DNMT1: variants seen among roughly 807,000 people sequenced by gnomAD.
The protein encoded by DNMT1 is DNA methyltransferase 1, also known as DNA (cytosine-5)-methyltransferase 1.
In DNMT1, 24 loss-of-function variants were observed where a neutral mutation model predicts 205.3. The ratio of observed to expected loss-of-function variants is 0.12; its 90% CI spans 0.08 to 0.16. The LOEUF (loss-of-function observed/expected upper bound fraction) is 0.16, where lower values mean the gene tolerates loss of function less well. Ranked by LOEUF, DNMT1 falls within the 10% of genes least tolerant of loss-of-function variation. The probability of loss-of-function intolerance (pLI) is 1.00; values close to 1 mark genes in which losing one functional copy is unlikely to be tolerated. For missense variants in DNMT1, 1,293 were observed against 2,177.7 expected (o/e 0.59, Z 8.09); for synonymous variants, 817 against 839.8 (o/e 0.97, Z 0.47).
chr19:10,148,267 C>G (rs536436713), intron 27 of DNMT1, among the ~76,000 whole-genome samples: 1 of 151,186 alleles, frequency 6.6e-6, no homozygotes, highest in Non-Finnish European at 1.5e-5. Flanking sequence ...GAGGCCAAGG[C>G]GGGCAGATCA....
At position 10,138,932 on chromosome 19, in the gene DNMT1, C is replaced by T. The variant is rs200167023; in HGVS notation, c.3949-327G>A. Reference sequence around the variant, plus strand: ...GAACACTGGAGACCAGGAGCCCTGTCGCTTCCCTGATGGCTGTGGTCACAA... The same window carrying T: ...GAACACTGGAGACCAGGAGCCCTGTTGCTTCCCTGATGGCTGTGGTCACAA... On this transcript the variant is annotated intron_variant, in intron 34 of 40. Coordinates refer to ENST00000359526, the MANE Select transcript of DNMT1 (RefSeq NM_001130823.3). This position sits in a 1 kb window ranked among gnomAD's most constrained non-coding sequence, Gnocchi z 4.1. 3.3e-5 allele frequency among the ~76,000 whole-genome samples: 5 copies of T among 152,304 alleles called. No individual in the cohort carries two copies. Among genetic ancestry groups the T allele is most frequent in the East Asian group, 1.9e-4 (1 of 5,178 alleles).
At position 10,173,165 on chromosome 19, in the gene DNMT1, T is replaced by C. The variant is rs2038859236; in HGVS notation, c.693A>G (p.Arg231=). The change falls in exon 9 of 41, where the codon AGA becomes AGG. Residue 231 remains arginine (R), a synonymous_variant. Coordinates refer to ENST00000359526, the MANE Select transcript of DNMT1 (RefSeq NM_001130823.3). ...TTTCAGGTTCTTCTGCAGGAAGCGG[T>C]CTAGCAACTCTGTCAAGCAAAATAA... ...RRVTSRERVA[R]PLPAEEPERA... is the part of the protein sequence containing the mutation. 6.2e-7 allele frequency: 1 copy of C among 1,614,034 alleles called. No individual in the cohort carries two copies. The highest frequency in any genetic ancestry group is 1.7e-5 in the Admixed American group (1 of 59,984).
intron 26 of DNMT1, 27 bp downstream of exon 26, chr19:10,149,426 G>A (rs759319488): frequency 2.7e-5 from 44 of 1,613,018 alleles, no homozygotes; most frequent in Non-Finnish European, 3.6e-5. Context: ...ATAAGGCAGG[G>A]GCTCACGAGG....
chr19:10,177,266 C>T, intron 6 of DNMT1, 26 bp downstream of exon 6: 1 of 1,612,104 alleles, frequency 6.2e-7, no homozygotes, highest in Non-Finnish European at 8.5e-7. Context: ...CTAAAAAAGG[C>T]AGCCGCCAAT....
chr19:10,142,011 G>C lies in DNMT1; in HGVS notation c.3309+17C>G. The C allele has an allele frequency of 1.9e-6, 3 of 1,611,330 alleles. No individual in the cohort carries two copies. The highest frequency in any genetic ancestry group is 2.5e-6 in the Non-Finnish European group (3 of 1,178,402). ...CTTTGACCCCGAAGCCTTCCCTCTA[G>C]CAAGCAGGGGCACCACCTCGAGGAA... On this transcript the variant is annotated intron_variant, in intron 30 of 40. Coordinates refer to ENST00000359526, the MANE Select transcript of DNMT1 (RefSeq NM_001130823.3).
In DNMT1 at chr19:10,177,282, G is replaced by A. The variant is rs781605215; in HGVS notation, c.569+10C>T. On this transcript the variant is annotated intron_variant, in intron 6 of 40. Transcript: ENST00000359526. ...TAAAAAAGGCAGCCGCCAATTTATCGTATACTGACCCCTTTGCAAAATGAG... is the reference window on the plus strand; with the variant it reads ...TAAAAAAGGCAGCCGCCAATTTATCATATACTGACCCCTTTGCAAAATGAG... 59 of 1,613,356 alleles carry A rather than the reference G, an allele frequency of 3.7e-5. No individual in the cohort carries two copies. Among genetic ancestry groups the A allele is most frequent in the Non-Finnish European group, 4.7e-5 (56 of 1,179,724 alleles).
Position 10,154,528 on chromosome 19 carries a change from G to A in DNMT1, c.1833-49C>T. The A allele has an allele frequency of 3.7e-6, 6 of 1,614,020 alleles. No individual in the cohort carries two copies. The highest frequency in any genetic ancestry group is 1.3e-5 in the African/African-American group (1 of 75,016). The stretch of plus-strand genomic sequence containing the variant: ...CAGAGGACTGGGACAGAGGATGTGG[G>A]CCATGCTCTACCCTCCCCGGTCTCC... On this transcript the variant is annotated intron_variant, in intron 21 of 40. Coordinates refer to ENST00000359526, the MANE Select transcript of DNMT1 (RefSeq NM_001130823.3). This position sits in a 1 kb window ranked among gnomAD's most constrained non-coding sequence, Gnocchi z 6.3.
intron 1 of DNMT1, chr19:10,184,284 T>C (rs1245975215): frequency 2.0e-5 from 3 of 151,604 alleles, no homozygotes; most frequent in Non-Finnish European, 2.9e-5. Flanking sequence ...GAGGATGAAA[T>C]GGGGGAGTCA....
chr19:10,144,307 C>T lies in DNMT1; in HGVS notation c.2895-320G>A, dbSNP rs1380741030. 5 of 361,364 alleles carry T rather than the reference C, an allele frequency of 1.4e-5. No individual in the cohort carries two copies. In the East Asian group the frequency reaches 3.5e-4, roughly 25 times the overall value. 22.4% of individuals were successfully genotyped at this position (361,364 alleles called of 1,614,324 possible). ...CCTATAATTCCAGCTACTTGGGAGG[C>T]TGAGGCAGGAGAATTGCTTGAACCC... On this transcript the variant is annotated intron_variant, in intron 28 of 40. Transcript: ENST00000359526.
intron 1 of DNMT1, among the ~76,000 whole-genome samples, chr19:10,185,118 T>C (rs1196174151): frequency 6.6e-6 from 1 of 152,154 alleles, no homozygotes; most frequent in Non-Finnish European, 1.5e-5. Context: ...TGACTTGCTG[T>C]GTGGTTAGGA....
chr19:10,139,947 G>T, intron 33 of DNMT1, 99 bp downstream of exon 33: 2 of 1,592,860 alleles, frequency 1.3e-6, no homozygotes, highest in Admixed American at 1.7e-5. Context: ...GTGAGCTTCC[G>T]GGGGGCAGAG....
chr19:10,159,132 G>A lies in DNMT1; in HGVS notation c.1280+526C>T, dbSNP rs1316067971. ...CTGAGCGTGTGACCCTCAGGATGTG[G>A]GCAGAATGGAGGGGTAATATGTGTA... is the stretch of plus-strand genomic sequence containing the variant. On this transcript the variant is annotated intron_variant, in intron 17 of 40. Coordinates refer to ENST00000359526, the MANE Select transcript of DNMT1 (RefSeq NM_001130823.3). This position sits in a 1 kb window ranked among gnomAD's most constrained non-coding sequence, Gnocchi z 5.0. Among the ~76,000 whole-genome samples, 3 of 152,096 alleles carry A rather than the reference G, an allele frequency of 2.0e-5. No homozygotes were observed. Among genetic ancestry groups the A allele is most frequent in the Non-Finnish European group, 4.4e-5 (3 of 68,026 alleles).
intron 11 of DNMT1, 21 bp downstream of exon 11, chr19:10,166,577 A>G: frequency 6.2e-7 from 1 of 1,614,004 alleles, no homozygotes; most frequent in Non-Finnish European, 8.5e-7. Flanking sequence ...GGGAGTTCAG[A>G]AACAAATAAC....
In DNMT1 at chr19:10,135,841, G is replaced by T; in HGVS notation, c.4668C>A (p.Leu1556=). The change falls in exon 39 of 41, where the codon CTC becomes CTA. Residue 1556 remains leucine (L), a synonymous_variant. Transcript: ENST00000359526. ...PEPMGKQGRV[L]HPEQHRVVSV... is the part of the protein sequence containing the mutation. ...TCACCACACGGTGCTGCTCTGGGTGGAGCACGCGGCCCTGGGGGAAAGAGG... is the reference window on the plus strand; with the variant it reads ...TCACCACACGGTGCTGCTCTGGGTGTAGCACGCGGCCCTGGGGGAAAGAGG... The T allele has an allele frequency of 6.4e-7, 1 of 1,555,102 alleles. No homozygotes were observed. Among genetic ancestry groups the T allele is most frequent in the South Asian group, 1.2e-5 (1 of 84,932 alleles).
At chr19:10,192,072 T>C (rs2039314204) in intron 1 of DNMT1, among the ~76,000 whole-genome samples, 1 of 151,694 alleles carries the variant, frequency 6.6e-6, no homozygotes, top group African/African-American at 2.4e-5. Context: ...GATCTGCCCA[T>C]CTCAGCCTCC....
intron 1 of DNMT1, among the ~76,000 whole-genome samples, chr19:10,193,054 C>CA: frequency 6.6e-6 from 1 of 152,014 alleles, no homozygotes; most frequent in East Asian, 1.9e-4. Context: ...CTCAAACAAA[C>CA]AAACAAAAAA....
intron 22 of DNMT1, among the ~76,000 whole-genome samples, chr19:10,153,061 G>A (rs958691174): frequency 5.9e-5 from 9 of 151,996 alleles, no homozygotes; most frequent in African/African-American, 2.2e-4. Flanking sequence ...AAAGAAGAAC[G>A]CACACTGCTC....
At position 10,142,081 on chromosome 19, in the gene DNMT1, C is replaced by T; in HGVS notation, c.3256G>A (p.Glu1086Lys). ...CTVEYGEDLP[E>K]CVQVYSMGGP... ...CCCATGGAGTACACCTGGACGCACT[C>T]GGGCAGGTCCTCCCCATACTCCACG... The change falls in exon 30 of 41, where the codon GAG becomes AAG. Residue 1086 changes from glutamate to lysine, a missense_variant. Glu to Lys is a moderately conservative substitution (Grantham distance 56). Around this residue, in one of 13 missense-constraint regions of DNMT1, gnomAD observed 167 missense variants for 258.1 expected, o/e 0.65. Coordinates refer to ENST00000359526, the MANE Select transcript of DNMT1 (RefSeq NM_001130823.3). 16 of 1,611,168 alleles carry T rather than the reference C, an allele frequency of 9.9e-6. No individual in the cohort carries two copies. Among genetic ancestry groups the T allele is most frequent in the Non-Finnish European group, 1.2e-5 (14 of 1,177,660 alleles).
At chr19:10,180,636 A>G in intron 3 of DNMT1, 67 bp from the exon 4 acceptor site, 1 of 1,540,310 alleles carries the variant, frequency 6.5e-7, no homozygotes, top group Admixed American at 1.7e-5. Context: ...AAGGAAACAC[A>G]TGTGTTTCCT....
Sources: gnomAD v4.1 joint callset for allele counts (sites outside exome capture counted in the v4.1 genomes callset) on GRCh38, gnomAD v4.1.1 for gene constraint, gnomAD v4.1.1 regional missense constraint, Gnocchi (gnomAD v3.1) non-coding constraint, MANE v1.5 for transcripts, NCBI Gene and HGNC (gene_info 2026-07-23, HGNC 2026-07-21) for gene names.